UGT1A5: variants seen among roughly 807,000 people sequenced by gnomAD.
UGT1A5 encodes the protein UDP-glucuronosyltransferase 1A5.
A neutral mutation model predicts 40.3 loss-of-function variants in UGT1A5; 29 were observed. That is an observed-to-expected ratio of 0.72 (90% confidence interval 0.54 to 0.98). The LOEUF is 0.98. UGT1A5 is among the 50% of genes least tolerant of loss of function. The pLI, the probability that UGT1A5 is intolerant of heterozygous loss-of-function variation, is 0.00. For missense variants in UGT1A5, 678 were observed against 677.9 expected, an observed-to-expected ratio of 1.00 and a Z score of 0.00; for synonymous variants, 257 against 262.5, an observed-to-expected ratio of 0.98 and a Z score of 0.20.
intron 1 of UGT1A5, among the ~76,000 whole-genome samples, chr2:233,751,848 C>G (rs1317042286): frequency 6.6e-6 from 1 of 152,136 alleles, no homozygotes. Context: ...GTCATTTAAA[C>G]CTTTGTCTTT....
intron 1 of UGT1A5, chr2:233,721,856 C>T (rs902057829): frequency 1.4e-5 from 7 of 510,102 alleles, no homozygotes; most frequent in South Asian, 4.2e-5. Context: ...CCCCACTGCT[C>T]GGCCCTGGGC....
In UGT1A5 at chr2:233,767,881, G is replaced by A. The variant is rs1468683280; in HGVS notation, c.1032G>A (p.Ser344=). The A allele has an allele frequency of 1.1e-5, 17 of 1,613,962 alleles. No individual in the cohort carries two copies. The highest frequency in any genetic ancestry group is 1.2e-5 in the Non-Finnish European group (14 of 1,180,050). ...VLWRYTGTRP[S]NLANNTILVK... is the part of the protein sequence containing the mutation. ...GGCGGTACACTGGAACCCGACCATC[G>A]AATCTTGCGAACAACACGATACTTG... The change falls in exon 3 of 5, where the codon TCG becomes TCA. Residue 344 remains serine, a synonymous_variant. Transcript: ENST00000373414.
At chr2:233,719,565 G>T in intron 1 of UGT1A5, 1 of 1,613,918 alleles carries the variant, frequency 6.2e-7, no homozygotes, top group South Asian at 1.1e-5. Context: ...GGTGGATCTT[G>T]TCAGCTATGC....
Position 233,760,797 on chromosome 2 carries a change from C to A in UGT1A5, c.868-6237C>A, listed in dbSNP as rs780028785. 1.9e-6 allele frequency: 3 copies of A among 1,613,492 alleles called. No individual in the cohort carries two copies. The highest frequency in any genetic ancestry group is 1.1e-5 in the South Asian group (1 of 91,076). The stretch of plus-strand genomic sequence containing the variant: ...AGTACCTGTCTCTGCCCACTGTATT[C>A]TTCTTGCATGCACTGCCATGCAGCC... On this transcript the variant is annotated intron_variant, in intron 1 of 4. Coordinates refer to ENST00000373414, the MANE Select transcript of UGT1A5 (RefSeq NM_019078.2).
intron 1 of UGT1A5, among the ~76,000 whole-genome samples, chr2:233,754,048 T>C (rs1329917116): frequency 6.6e-6 from 1 of 152,254 alleles, no homozygotes; most frequent in Non-Finnish European, 1.5e-5. Flanking sequence ...TTGCCAGGTT[T>C]ACCTGCTTTT....
chr2:233,743,663 T>C, intron 1 of UGT1A5: 1 of 1,366,972 alleles, frequency 7.3e-7, no homozygotes, highest in Non-Finnish European at 9.8e-7. Flanking sequence ...CTCGAAGGGG[T>C]CCTCGAAGGG....
At chr2:233,743,969 G>GC in intron 1 of UGT1A5, 3 of 1,324,978 alleles carry the variant, frequency 2.3e-6, no homozygotes, top group South Asian at 2.4e-5. Flanking sequence ...CGGCAAGGCT[G>GC]CCAGCACCCA....
intron 1 of UGT1A5, among the ~76,000 whole-genome samples, chr2:233,730,798 G>C (rs772379862): frequency 4.6e-5 from 7 of 152,122 alleles, no homozygotes; most frequent in Non-Finnish European, 7.3e-5. Flanking sequence ...AGTGATGAAT[G>C]GACATGCGTC....
chr2:233,719,100 C>T, intron 1 of UGT1A5: 1 of 1,614,270 alleles, frequency 6.2e-7, no homozygotes, highest in East Asian at 2.2e-5. Flanking sequence ...TCGCGTTACG[C>T]TGGGCTACAC....
At chr2:233,743,773 C>A (rs367921172) in intron 1 of UGT1A5, 4 of 1,367,248 alleles carry the variant, frequency 2.9e-6, no homozygotes, top group African/African-American at 1.5e-5. Context: ...CCTCGGCCAC[C>A]TGCTTGAATC....
chr2:233,729,563 T>C (rs1575582570), intron 1 of UGT1A5: 2 of 1,614,156 alleles, frequency 1.2e-6, no homozygotes, highest in South Asian at 1.1e-5. Flanking sequence ...GCTACTTCCT[T>C]TGATGTGGTT....
At position 233,729,852 on chromosome 2, in the gene UGT1A5, G is replaced by A. The variant is rs774381589; in HGVS notation, c.867+15994G>A. On this transcript the variant is annotated intron_variant, in intron 1 of 4. Transcript: ENST00000373414. ...TTGCCTCTGAGCTTTTTCAGAGAGAGGTGTCAGTGGTGGATATTCTCAGTC... is the reference window on the plus strand; with the variant it reads ...TTGCCTCTGAGCTTTTTCAGAGAGAAGTGTCAGTGGTGGATATTCTCAGTC... The A allele has an allele frequency of 4.3e-6, 7 of 1,613,776 alleles. No homozygotes were observed. In the African/African-American group the frequency reaches 9.3e-5, roughly 22 times the overall value.
intron 1 of UGT1A5, chr2:233,748,151 T>G (rs1288204203): frequency 6.9e-6 from 11 of 1,604,706 alleles, no homozygotes; most frequent in Admixed American, 3.3e-5. Context: ...TTACTTACAA[T>G]TGCTTCCATA....
intron 1 of UGT1A5, chr2:233,748,094 C>T: frequency 6.2e-7 from 1 of 1,612,860 alleles, no homozygotes; most frequent in Non-Finnish European, 8.5e-7. Flanking sequence ...GTGTTCGTGC[C>T]TTCATCCAAT....
chr2:233,753,648 C>T (rs1051556706), intron 1 of UGT1A5: 5 of 152,204 alleles, frequency 3.3e-5, no homozygotes, highest in Non-Finnish European at 5.9e-5. Context: ...CACAAAGGTA[C>T]TTTCTCAATT....
chr2:233,729,702 C>T, intron 1 of UGT1A5: 4 of 1,613,950 alleles, frequency 2.5e-6, no homozygotes, highest in Non-Finnish European at 3.4e-6. Context: ...ACCCTTCCTC[C>T]TATATTCCTA....
At chr2:233,721,643 G>A (rs953438688) in intron 1 of UGT1A5, 2 of 207,656 alleles carry the variant, frequency 9.6e-6, no homozygotes, top group Non-Finnish European at 2.0e-5. Context: ...TCTTGAATGT[G>A]GCAGTGGGGG....
At chr2:233,744,266 A>G (rs1300904192) in intron 1 of UGT1A5, among the ~76,000 whole-genome samples, 1 of 151,778 alleles carries the variant, frequency 6.6e-6, no homozygotes, top group Admixed American at 6.5e-5. Flanking sequence ...GTTTTTCTTA[A>G]AGTAGGCTTT....
intron 1 of UGT1A5, among the ~76,000 whole-genome samples, chr2:233,766,144 C>T (rs2126022792): frequency 6.6e-6 from 1 of 152,268 alleles, no homozygotes; most frequent in South Asian, 2.1e-4. Flanking sequence ...TCGAATCCCA[C>T]CTGGGCTTGG....
Sources: gnomAD v4.1 joint callset for allele counts (sites outside exome capture counted in the v4.1 genomes callset) on GRCh38, gnomAD v4.1.1 for gene constraint, MANE v1.5 for transcripts, NCBI Gene and HGNC (gene_info 2026-07-23, HGNC 2026-07-21) for gene names.